Variants in SGCZ observed in about 807,000 individuals in gnomAD.
The protein encoded by SGCZ is zeta-sarcoglycan.
In SGCZ, 40 loss-of-function variants were observed where a neutral mutation model predicts 41.3. The ratio of observed to expected loss-of-function variants is 0.97; its 90% confidence interval spans 0.75 to 1.26. The LOEUF is 1.26. SGCZ is among the 50% of genes most tolerant of loss of function. The pLI, the probability that SGCZ is intolerant of heterozygous loss-of-function variation, is 0.00. For missense variants in SGCZ, 552 were observed against 369.8 expected, an observed-to-expected ratio of 1.49 and a Z score of -4.04; for synonymous variants, 206 against 137.5, an observed-to-expected ratio of 1.50 and a Z score of -3.49.
At chr8:14,560,236 T>C (rs577847654) in intron 1 of SGCZ, among the ~76,000 whole-genome samples, 1 of 151,988 alleles carries the variant, frequency 6.6e-6, no homozygotes. Flanking sequence ...AGATAAAAGA[T>C]AAATGTTTGA....
At chr8:14,989,616 A>C (rs1801938890) in intron 1 of SGCZ, among the ~76,000 whole-genome samples, 1 of 152,210 alleles carries the variant, frequency 6.6e-6, no homozygotes, top group African/African-American at 2.4e-5. Context: ...CATGAATCAT[A>C]TGAAAATCAT....
chr8:14,357,849 A>G (rs987840536), intron 2 of SGCZ, among the ~76,000 whole-genome samples: 12 of 152,152 alleles, frequency 7.9e-5, no homozygotes, highest in African/African-American at 2.9e-4. Context: ...TAACTCCAAA[A>G]CTTGATCAGT....
At chr8:14,823,055 TAAAAAAAAAA>T (rs34307530) in intron 1 of SGCZ, among the ~76,000 whole-genome samples, 8 of 75,488 alleles carry the variant, frequency 1.1e-4, no homozygotes, top group Non-Finnish European at 1.9e-4. Flanking sequence ...CCAATCCTCA[TAAAAAAAAAA>T]AAAAAAAAAA....
chr8:15,237,255 C>CCCCCCT (rs1802159151), intron 1 of SGCZ, among the ~76,000 whole-genome samples: 1 of 152,056 alleles, frequency 6.6e-6, no homozygotes, highest in African/African-American at 2.4e-5. Context: ...TGCCGCTGCC[C>CCCCCCT]CCCCCGGGGA....
intron 1 of SGCZ, among the ~76,000 whole-genome samples, chr8:14,597,536 T>C (rs1805452387): frequency 1.3e-5 from 2 of 152,182 alleles, no homozygotes; most frequent in African/African-American, 4.8e-5. Flanking sequence ...TGGCAGGATC[T>C]TGGCTCACTG....
chr8:14,190,086 C>G (rs1402689698), intron 4 of SGCZ, among the ~76,000 whole-genome samples: 3 of 128,546 alleles, frequency 2.3e-5, no homozygotes, highest in African/African-American at 9.1e-5. Flanking sequence ...CATCTTGACT[C>G]GCTGCAAGCT....
At chr8:14,284,344 G>C (rs1395599735) in intron 3 of SGCZ, among the ~76,000 whole-genome samples, 4 of 152,162 alleles carry the variant, frequency 2.6e-5, no homozygotes, top group Admixed American at 2.0e-4. Context: ...ATGAGCTGTG[G>C]CCATGCCACT....
intron 4 of SGCZ, among the ~76,000 whole-genome samples, chr8:14,178,806 G>A (rs921279774): frequency 6.6e-6 from 1 of 152,202 alleles, no homozygotes; most frequent in African/African-American, 2.4e-5. Flanking sequence ...AAATGTAAAT[G>A]AGATAAATGC....
At chr8:15,201,592 T>A (rs17575818) in intron 1 of SGCZ, among the ~76,000 whole-genome samples, 2 of 152,162 alleles carry the variant, frequency 1.3e-5, no homozygotes, top group Non-Finnish European at 2.9e-5. Flanking sequence ...AGTTCATGCA[T>A]TGAGTCTGCA....
intron 1 of SGCZ, among the ~76,000 whole-genome samples, chr8:14,577,415 G>A (rs922621900): frequency 5.6e-5 from 7 of 125,334 alleles, no homozygotes; most frequent in African/African-American, 2.2e-4. Context: ...TTGAGACAGA[G>A]TCTCACTCCG....
chr8:14,199,796 T>G (rs1049448680), intron 4 of SGCZ, among the ~76,000 whole-genome samples: 1 of 152,104 alleles, frequency 6.6e-6, no homozygotes, highest in Non-Finnish European at 1.5e-5. Context: ...CATTTCCTTT[T>G]TAAAGAAAAA....
chr8:14,190,114 G>A (rs1054919930), intron 4 of SGCZ, among the ~76,000 whole-genome samples: 11 of 144,572 alleles, frequency 7.6e-5, no homozygotes, highest in Non-Finnish European at 1.0e-4. Context: ...TGGGGTTCAC[G>A]CCATTCTCCT....
At chr8:14,297,200 G>A (rs1017399799) in intron 3 of SGCZ, among the ~76,000 whole-genome samples, 1 of 152,010 alleles carries the variant, frequency 6.6e-6, no homozygotes, top group Non-Finnish European at 1.5e-5. Flanking sequence ...TGGGATTACA[G>A]GCCTGAGCCA....
chr8:14,450,956 C>G (rs945910086), intron 2 of SGCZ, among the ~76,000 whole-genome samples: 1 of 152,116 alleles, frequency 6.6e-6, no homozygotes, highest in Admixed American at 6.6e-5. Context: ...TATGAATATT[C>G]ATAACAGCAC....
intron 1 of SGCZ, among the ~76,000 whole-genome samples, chr8:14,785,617 C>G (rs2253544): frequency 0.78 from 119,078 of 152,070 alleles, 47,165 homozygotes; most frequent in African/African-American, 0.91. Flanking sequence ...TAACCAAAAG[C>G]TTGACAATGT....
rs183107225 is a variant in SGCZ, at chr8:14,244,840, A to C, written c.337-7161T>G. On this transcript the variant is annotated intron_variant, in intron 3 of 7. Coordinates refer to ENST00000382080, the MANE Select transcript of SGCZ (RefSeq NM_139167.4). The stretch of plus-strand genomic sequence containing the variant: ...TGTAAGTTGGATTCCTAGGTATTTT[A>C]TTCTCTTTGAAGCAATTGTGAATGG... Among the ~76,000 whole-genome samples the C allele has an allele frequency of 2.6e-3, 397 of 152,126 alleles. 4 individuals are homozygous for C. The highest frequency in any genetic ancestry group is 9.7e-4 in the East Asian group (5 of 5,164).
chr8:14,872,976 C>A (rs141294348), intron 1 of SGCZ, among the ~76,000 whole-genome samples: 1 of 152,036 alleles, frequency 6.6e-6, no homozygotes, highest in Non-Finnish European at 1.5e-5. Context: ...ACTTGATAGG[C>A]GTCTTTAGAT....
intron 1 of SGCZ, among the ~76,000 whole-genome samples, chr8:14,700,161 C>G (rs982373488): frequency 4.0e-5 from 6 of 151,876 alleles, no homozygotes; most frequent in African/African-American, 1.5e-4. Context: ...CACTAGAACG[C>G]TCGCTGCAGC....
intron 3 of SGCZ, among the ~76,000 whole-genome samples, chr8:14,308,115 A>T (rs533957982): frequency 6.6e-6 from 1 of 152,126 alleles, no homozygotes; most frequent in Admixed American, 6.6e-5. Context: ...TTTCAAAGCA[A>T]GTTCTTATTT....
Sources: allele counts gnomAD v4.1 joint callset (sites outside exome capture counted in the v4.1 genomes callset), GRCh38; gene constraint gnomAD v4.1.1; transcripts MANE v1.5; gene names NCBI Gene and HGNC (gene_info 2026-07-23, HGNC 2026-07-21).